SMIM21: variants seen among roughly 807,000 people sequenced by gnomAD.
SMIM21 encodes the protein chromosome 18 open reading frame 62.
A neutral mutation model predicts 8.6 loss-of-function variants in SMIM21; 8 were observed. The ratio of observed to expected loss-of-function variants is 0.93; its 90% CI spans 0.55 to 1.68. SMIM21 has a LOEUF of 1.68. Among genes scored for constraint, SMIM21 ranks in the 40% most tolerant of loss-of-function variants. SMIM21 has a pLI of 0.00. For missense variants in SMIM21, 132 were observed against 123.0 expected (o/e 1.07, Z -0.35); for synonymous variants, 43 against 41.7 (o/e 1.03, Z -0.12).
intron 1 of SMIM21, among the ~76,000 whole-genome samples, chr18:75,420,306 C>A (rs753969294): frequency 6.6e-6 from 1 of 152,230 alleles, no homozygotes; most frequent in African/African-American, 2.4e-5. Context: ...GGTGGGACTT[C>A]TTAATGCTGC....
At chr18:75,415,493 A>C (rs554383728) in intron 2 of SMIM21, among the ~76,000 whole-genome samples, 3 of 152,332 alleles carry the variant, frequency 2.0e-5, no homozygotes, top group African/African-American at 7.2e-5. Flanking sequence ...GTCCTGGGGA[A>C]GATGAGCATT....
At chr18:75,426,489 C>T (rs62089461) in intron 1 of SMIM21, among the ~76,000 whole-genome samples, 42,946 of 151,516 alleles carry the variant, frequency 0.28, 6,701 homozygotes, top group Middle Eastern at 0.37. Context: ...TTTTGTATTT[C>T]TAGTAGAGAT....
Position 75,427,512 on chromosome 18 carries a change from C to T in SMIM21, c.52G>A (p.Gly18Arg), listed in dbSNP as rs765164724. Residue 18 changes from glycine (G) to arginine (R), a missense_variant, in exon 1 of 3, where the codon GGA (glycine) becomes AGA (arginine). Physicochemically the swap from Gly to Arg is moderately radical, Grantham distance 125. Transcript: ENST00000579022. ...APPRFPIAQL[G>R]TFKQDSAGMG... ...CCTGCAGAGTCTTGTTTAAATGTTCCCAGCTGTGCTATAGGGAATCGGGGA... is the reference window on the plus strand; with the variant it reads ...CCTGCAGAGTCTTGTTTAAATGTTCTCAGCTGTGCTATAGGGAATCGGGGA... 1.4e-5 allele frequency: 22 copies of T among 1,614,008 alleles called. No individual in the cohort carries two copies. Among genetic ancestry groups the T allele is most frequent in the Non-Finnish European group, 1.7e-5 (20 of 1,179,966 alleles).
chr18:75,411,855 C>T (rs2024587962), intron 2 of SMIM21, among the ~76,000 whole-genome samples: 1 of 152,184 alleles, frequency 6.6e-6, no homozygotes, highest in African/African-American at 2.4e-5. Context: ...ATAAATTCAA[C>T]GTTGGAAAAT....
intron 1 of SMIM21, among the ~76,000 whole-genome samples, chr18:75,423,543 C>G (rs983605380): frequency 6.6e-6 from 1 of 152,236 alleles, no homozygotes; most frequent in African/African-American, 2.4e-5. Context: ...GGCCGTGAGG[C>G]CAGCGGGATG....
intron 2 of SMIM21, among the ~76,000 whole-genome samples, chr18:75,412,057 T>C (rs899099196): frequency 1.1e-4 from 16 of 152,210 alleles, no homozygotes; most frequent in African/African-American, 3.4e-4. Flanking sequence ...ACTGAGGGAC[T>C]AGTTCTTGGC....
intron 1 of SMIM21, among the ~76,000 whole-genome samples, chr18:75,424,444 G>T (rs191877552): frequency 2.7e-4 from 41 of 152,252 alleles, no homozygotes; most frequent in African/African-American, 9.6e-4. Context: ...TATTAAGGGG[G>T]TATGTTTAGG....
intron 2 of SMIM21, 77 bp from the exon 3 acceptor site, chr18:75,410,986 A>G: frequency 1.3e-5 from 20 of 1,555,106 alleles, no homozygotes; most frequent in Non-Finnish European, 1.7e-5. Flanking sequence ...AAAATTGACC[A>G]TTTGTTTTTA....
At chr18:75,418,706 T>TTTAACTGCTAAGGTTATCGTTTAC in intron 2 of SMIM21, 80 bp downstream of exon 2, 1 of 1,369,196 alleles carries the variant, frequency 7.3e-7, no homozygotes, top group Non-Finnish European at 9.8e-7. Context: ...TAGTTTTTTT[T>TTTAACTGCTAAGGTTATCGTTTAC]TAACTGCTAA....
intron 2 of SMIM21, among the ~76,000 whole-genome samples, chr18:75,415,449 G>A (rs1047141332): frequency 6.6e-6 from 1 of 152,226 alleles, no homozygotes; most frequent in African/African-American, 2.4e-5. Flanking sequence ...GCTGATGTCA[G>A]AATGGATGAC....
At chr18:75,413,832 G>A (rs2024608808) in intron 2 of SMIM21, among the ~76,000 whole-genome samples, 1 of 152,142 alleles carries the variant, frequency 6.6e-6, no homozygotes, top group Non-Finnish European at 1.5e-5. Flanking sequence ...ACTTCAACAC[G>A]TGATCTGCAT....
rs1026545808 is a variant in SMIM21, at chr18:75,410,211, G to A, written c.*653C>T. ...GCTCCATCCTAAATCATTTGATAAT[G>A]TAAGAGGCTTGGTGCAGTTTTCTAC... On this transcript the variant is annotated 3_prime_UTR_variant, in exon 3 of 3. Coordinates refer to ENST00000579022, the MANE Select transcript of SMIM21 (RefSeq NM_001037331.3). The A allele has an allele frequency of 6.5e-6, 1 of 152,692 alleles. No individual in the cohort carries two copies. The highest frequency in any genetic ancestry group is 6.5e-5 in the Admixed American group (1 of 15,292). The allele number at this position is 152,692 out of a possible 1,614,324, so 9.5% of individuals were successfully genotyped here. A position where few individuals can be genotyped will look rare whatever the true frequency, so the allele number is the denominator to read the frequency against.
chr18:75,426,293 T>A (rs1446401972), intron 1 of SMIM21, among the ~76,000 whole-genome samples: 1 of 90,412 alleles, frequency 1.1e-5, no homozygotes, highest in African/African-American at 3.3e-5. Flanking sequence ...ATTTATTTAT[T>A]TGTTTGTTTG....
chr18:75,425,189 C>G, intron 1 of SMIM21, among the ~76,000 whole-genome samples: 1 of 152,174 alleles, frequency 6.6e-6, no homozygotes, highest in Non-Finnish European at 1.5e-5. Context: ...AGAGATTCCA[C>G]TGGACACCAA....
chr18:75,420,131 C>T (rs2024693633), intron 1 of SMIM21, among the ~76,000 whole-genome samples: 1 of 152,182 alleles, frequency 6.6e-6, no homozygotes, highest in African/African-American at 2.4e-5. Context: ...ATGGGAGAAA[C>T]TGGACTCGCC....
chr18:75,411,767 G>A (rs1365090820), intron 2 of SMIM21, among the ~76,000 whole-genome samples: 3 of 152,188 alleles, frequency 2.0e-5, no homozygotes, highest in Non-Finnish European at 4.4e-5. Context: ...CCTATTTTAG[G>A]TGGAGGTTAG....
chr18:75,419,464 A>G (rs1389690362), intron 1 of SMIM21, among the ~76,000 whole-genome samples: 1 of 152,204 alleles, frequency 6.6e-6, no homozygotes, highest in Non-Finnish European at 1.5e-5. Flanking sequence ...AATTCATAGC[A>G]ATAAGTTTTG....
At chr18:75,414,762 C>G (rs1284012103) in intron 2 of SMIM21, among the ~76,000 whole-genome samples, 2 of 152,148 alleles carry the variant, frequency 1.3e-5, no homozygotes, top group Non-Finnish European at 2.9e-5. Flanking sequence ...TTGGCAAACA[C>G]AAACCTGGTG....
intron 2 of SMIM21, chr18:75,416,197 A>G (rs1342574090): frequency 2.6e-5 from 4 of 152,252 alleles, no homozygotes; most frequent in South Asian, 2.1e-4. Flanking sequence ...CTCGACAGCA[A>G]TCAATGTTAA....
Sources: allele counts gnomAD v4.1 joint callset (sites outside exome capture counted in the v4.1 genomes callset), GRCh38; gene constraint gnomAD v4.1.1; transcripts MANE v1.5; gene names NCBI Gene and HGNC (gene_info 2026-07-23, HGNC 2026-07-21).